Variants in CCDC88A observed in about 807,000 individuals in gnomAD.
CCDC88A encodes the protein girdin.
In CCDC88A, 54 loss-of-function variants were observed where a neutral mutation model predicts 234.3. That is an observed-to-expected ratio of 0.23 (90% CI 0.19 to 0.29). The LOEUF (loss-of-function observed/expected upper bound fraction) is 0.29. Ranked by LOEUF, CCDC88A falls within the 10% of genes least tolerant of loss-of-function variation. The probability of loss-of-function intolerance (pLI) is 1.00; values close to 1 mark genes in which losing one functional copy is unlikely to be tolerated. For missense variants in CCDC88A, 1,832 were observed against 2,123.4 expected (o/e 0.86, Z 2.70); for synonymous variants, 753 against 737.8 (o/e 1.02, Z -0.33).
chr2:55,357,376 C>G (rs988744152), intron 7 of CCDC88A, among the ~76,000 whole-genome samples: 1 of 150,442 alleles, frequency 6.6e-6, no homozygotes, highest in African/African-American at 2.5e-5. Context: ...ATCTCTCTCT[C>G]CCTCTCTCCC....
intron 12 of CCDC88A, 56 bp from the exon 13 acceptor site, chr2:55,339,704 T>C (rs1260405404): frequency 6.9e-7 from 1 of 1,455,202 alleles, no homozygotes; most frequent in South Asian, 1.4e-5. Flanking sequence ...TTACTATGTT[T>C]ACTCTTTACT....
intron 2 of CCDC88A, chr2:55,404,097 C>G (rs1298332324): frequency 6.6e-6 from 1 of 152,194 alleles, no homozygotes; most frequent in African/African-American, 2.4e-5. Flanking sequence ...GCTTCTTAAT[C>G]TGTACTCCCC....
At chr2:55,331,975 A>G (rs958368824) in intron 16 of CCDC88A, 4 of 152,162 alleles carry the variant, frequency 2.6e-5, no homozygotes, top group Non-Finnish European at 4.4e-5. Flanking sequence ...TTTACAGTCA[A>G]TTATAGCCTC....
intron 4 of CCDC88A, among the ~76,000 whole-genome samples, chr2:55,372,832 A>G (rs1673040864): frequency 6.6e-6 from 1 of 152,220 alleles, no homozygotes; most frequent in African/African-American, 2.4e-5. Flanking sequence ...AGAACCTGCC[A>G]AATCAGGTTG....
chr2:55,398,173 T>G (rs945366901), intron 2 of CCDC88A, among the ~76,000 whole-genome samples: 9 of 152,152 alleles, frequency 5.9e-5, no homozygotes, highest in African/African-American at 2.2e-4. Flanking sequence ...AATAAGTACG[T>G]GGGCTGTGAA....
In CCDC88A at chr2:55,363,984, T is replaced by C. The variant is rs1381299358; in HGVS notation, c.452A>G (p.Asp151Gly). 1.3e-6 allele frequency: 2 copies of C among 1,599,258 alleles called. No homozygotes were observed. The highest frequency in any genetic ancestry group is 4.5e-5 in the East Asian group (2 of 44,644). The change falls in exon 6 of 33, where the codon GAT (aspartate) becomes GGT (glycine). Residue 151 changes from aspartate (D) to glycine (G), a missense_variant. Around this residue, in one of 6 missense-constraint regions of CCDC88A, gnomAD observed 1,282 missense variants for 1,543.6 expected, o/e 0.83. Coordinates refer to ENST00000436346, the MANE Select transcript of CCDC88A (RefSeq NM_001365480.1). ...FIERIQGLDF[D>G]TKAAVAAHIQ... The stretch of plus-strand genomic sequence containing the variant: ...ATGTGCGGCAACCGCTGCTTTTGTA[T>C]CAAAATCTAAACCTTGAATTCTTTC...
chr2:55,305,392 T>C (rs1681426280), intron 25 of CCDC88A, among the ~76,000 whole-genome samples: 1 of 152,206 alleles, frequency 6.6e-6, no homozygotes, highest in African/African-American at 2.4e-5. Context: ...ATTCTAAAAC[T>C]AAACAACTGT....
At chr2:55,398,251 T>C (rs1219481305) in intron 2 of CCDC88A, among the ~76,000 whole-genome samples, 2 of 152,218 alleles carry the variant, frequency 1.3e-5, no homozygotes, top group South Asian at 4.1e-4. Context: ...AACAGGCTAA[T>C]ACCTAAGCAC....
Position 55,362,584 on chromosome 2 carries a change from G to A in CCDC88A, c.487-136C>T, listed in dbSNP as rs943907711. On this transcript the variant is annotated intron_variant, in intron 6 of 32. Transcript: ENST00000436346. ...AAAAGCCAATATGATGTTAAAAGGA[G>A]AACATTTGAAATGATAAAAACACTA... The A allele has an allele frequency of 7.7e-5, 44 of 574,368 alleles. No homozygotes were observed. The African/African-American group carries it at 7.9e-4, about 10-fold the overall frequency. 35.6% of individuals were successfully genotyped at this position (574,368 alleles called of 1,614,324 possible). A position where few individuals can be genotyped will look rare whatever the true frequency, so the allele number is the denominator to read the frequency against.
In CCDC88A at chr2:55,418,885, T is replaced by C. The variant is rs140301441; in HGVS notation, c.95A>G (p.Asn32Ser). 5 of 1,614,036 alleles carry C rather than the reference T, an allele frequency of 3.1e-6. No individual in the cohort carries two copies. The East Asian group carries it at 8.9e-5, about 29-fold the overall frequency. The change falls in exon 2 of 33, where the codon AAT becomes AGT. Residue 32 changes from asparagine (N) to serine (S), a missense_variant. Asn to Ser is a conservative substitution (Grantham distance 46). Coordinates refer to ENST00000436346, the MANE Select transcript of CCDC88A (RefSeq NM_001365480.1). ...VKTFGPLAAG[N>S]GTNLDEYVAL... ...CACATATTCATCAAGGTTGGTCCCA[T>C]TTCCTGCGGCCAGAGGTCCAAACGT...
intron 3 of CCDC88A, among the ~76,000 whole-genome samples, chr2:55,384,630 T>C (rs79031444): frequency 0.091 from 2,637 of 29,078 alleles, 671 homozygotes; most frequent in African/African-American, 0.24. Context: ...CGTATATATA[T>C]GTATATATGT....
At chr2:55,298,457 A>C (rs1226167380) in intron 29 of CCDC88A, among the ~76,000 whole-genome samples, 3 of 152,196 alleles carry the variant, frequency 2.0e-5, no homozygotes, top group African/African-American at 7.2e-5. Flanking sequence ...CCCACCTCAA[A>C]ATTAGGTATT....
chr2:55,334,645 C>G lies in CCDC88A; in HGVS notation c.2176G>C (p.Glu726Gln). 6.2e-7 allele frequency: 1 copy of G among 1,613,730 alleles called. No homozygotes were observed. Among genetic ancestry groups the G allele is most frequent in the South Asian group, 1.1e-5 (1 of 91,056 alleles). The change falls in exon 15 of 33, where the codon GAA (glutamate) becomes CAA (glutamine). Residue 726 changes from glutamate to glutamine, a missense_variant. Glu to Gln is a conservative substitution (Grantham distance 29). Transcript: ENST00000436346. This position sits in a 1 kb window ranked among gnomAD's most constrained non-coding sequence, Gnocchi z 6.1. ...TTTTCACTTTCCAGTTCTTTGTTTT[C>G]TAGCTGTAGCTGAGCCATTTTCATG... ...ASMKMAQLQL[E>Q]NKELESEKEQ...
intron 13 of CCDC88A, chr2:55,339,064 T>C (rs1048953725): frequency 4.5e-5 from 7 of 155,472 alleles, no homozygotes; most frequent in African/African-American, 9.7e-5. Context: ...TCGAGAGAGA[T>C]TCTCCTGCCT....
chr2:55,364,424 T>C (rs1028564190), intron 5 of CCDC88A, among the ~76,000 whole-genome samples: 1 of 152,092 alleles, frequency 6.6e-6, no homozygotes, highest in Non-Finnish European at 1.5e-5. Context: ...ACAGCCAAAA[T>C]GCTCAGTCAG....
chr2:55,355,128 A>T (rs1670394037), intron 8 of CCDC88A, among the ~76,000 whole-genome samples: 2 of 152,012 alleles, frequency 1.3e-5, no homozygotes, highest in Non-Finnish European at 2.9e-5. Flanking sequence ...TCAATGCAAG[A>T]TACATATACA....
In CCDC88A at chr2:55,288,681, G is replaced by A. The variant is rs1384068542; in HGVS notation, c.*2519C>T. On this transcript the variant is annotated 3_prime_UTR_variant, in exon 33 of 33. Transcript: ENST00000436346. ...GCATTTCCACATGGACAGATCTGAA[G>A]CACATTATTGGAGCTCTGAGCCAAA... 1 of 152,586 alleles carries A rather than the reference G, an allele frequency of 6.6e-6. No individual in the cohort carries two copies. Among genetic ancestry groups the A allele is most frequent in the Non-Finnish European group, 1.5e-5 (1 of 68,030 alleles). 9.5% of individuals were successfully genotyped at this position (152,586 alleles called of 1,614,324 possible). A position where few individuals can be genotyped will look rare whatever the true frequency, so the allele number is the denominator to read the frequency against.
intron 31 of CCDC88A, chr2:55,293,706 C>T (rs2589111): frequency 0.9 from 136,389 of 152,122 alleles, 61,889 homozygotes; most frequent in East Asian, 0.97. Flanking sequence ...TCCTTATCAG[C>T]TATAGGCTAA....
chr2:55,371,930 A>C (rs986104460), intron 5 of CCDC88A, among the ~76,000 whole-genome samples: 1 of 152,228 alleles, frequency 6.6e-6, no homozygotes, highest in African/African-American at 2.4e-5. Context: ...TCTGACACAA[A>C]GTAGGTATTC....
Sources: gnomAD v4.1 joint callset for allele counts (sites outside exome capture counted in the v4.1 genomes callset) on GRCh38, gnomAD v4.1.1 for gene constraint, gnomAD v4.1.1 regional missense constraint, Gnocchi (gnomAD v3.1) non-coding constraint, MANE v1.5 for transcripts, NCBI Gene and HGNC (gene_info 2026-07-23, HGNC 2026-07-21) for gene names.